HOMEZ: variants seen among roughly 807,000 people sequenced by gnomAD.
HOMEZ encodes homeobox and leucine zipper protein Homez.
Under a neutral mutation model 50.1 loss-of-function variants are expected in HOMEZ, and 20 were observed. The observed-to-expected ratio is 0.40, with a 90% CI of 0.28 to 0.58. The LOEUF (loss-of-function observed/expected upper bound fraction) is 0.58, where lower values mean the gene tolerates loss of function less well. Ranked by LOEUF, HOMEZ falls within the 20% of genes least tolerant of loss-of-function variation. The pLI, the probability that HOMEZ is intolerant of heterozygous loss-of-function variation, is 0.46. For synonymous variants in HOMEZ, 239 were observed against 254.7 expected (o/e 0.94, Z 0.59); for missense variants, 579 against 680.5 (o/e 0.85, Z 1.66).
Position 23,273,545 on chromosome 14 carries a change from G to A in HOMEZ, c.*2030C>T, listed in dbSNP as rs567207665. On this transcript the variant is annotated 3_prime_UTR_variant, in exon 2 of 2. Transcript: ENST00000357460. ...CAACACTATCACTGAGATCAAACATGTATTCTACTTTGGGTTTTAAAAGGC... is the reference window on the plus strand; with the variant it reads ...CAACACTATCACTGAGATCAAACATATATTCTACTTTGGGTTTTAAAAGGC... 2.0e-5 allele frequency: 3 copies of A among 152,306 alleles called. No individual in the cohort carries two copies. Among genetic ancestry groups the A allele is most frequent in the South Asian group, 4.1e-4 (2 of 4,824 alleles). The allele number at this position is 152,306 out of a possible 1,614,324, so 9.4% of individuals were successfully genotyped here.
In HOMEZ at chr14:23,272,715, A is replaced by C. The variant is rs1886198227; in HGVS notation, c.*2860T>G. On this transcript the variant is annotated 3_prime_UTR_variant, in exon 2 of 2. Transcript: ENST00000357460. The stretch of plus-strand genomic sequence containing the variant: ...AATGAAGAAAACTATGGGGAAGCAA[A>C]AGCAGTGGTGTCTGTCTCGATAAGC... 1.1e-5 allele frequency: 8 copies of C among 735,988 alleles called. No individual in the cohort carries two copies. The highest frequency in any genetic ancestry group is 1.9e-5 in the Non-Finnish European group (8 of 418,448). The allele number at this position is 735,988 out of a possible 1,614,324, so 45.6% of individuals were successfully genotyped here. A position where few individuals can be genotyped will look rare whatever the true frequency, so the allele number is the denominator to read the frequency against.
intron 1 of HOMEZ, among the ~76,000 whole-genome samples, chr14:23,280,801 G>A (rs1254501742): frequency 7.6e-5 from 5 of 65,666 alleles, no homozygotes; most frequent in South Asian, 4.7e-4. Context: ...TGGAGACGGA[G>A]TCTTGCTCTG....
chr14:23,281,851 C>A (rs1303102502), intron 1 of HOMEZ, among the ~76,000 whole-genome samples: 1 of 149,206 alleles, frequency 6.7e-6, no homozygotes, highest in South Asian at 2.1e-4. Context: ...AAAATATTAG[C>A]TGGGCATGGT....
At position 23,275,665 on chromosome 14, in the gene HOMEZ, C is replaced by T. The variant is rs1566448270; in HGVS notation, c.1563G>A (p.Glu521=). The stretch of plus-strand genomic sequence containing the variant: ...CCTCATCATCTTCTGGCAGTTCTTC[C>T]TCCTCCTCTTCCTCTTCTTCATCTA... ...VCLDEEEEEE[E]EELPEDDEEE... Residue 521 remains glutamate, a synonymous_variant, in exon 2 of 2, where the codon GAG becomes GAA. Coordinates refer to ENST00000357460, the MANE Select transcript of HOMEZ (RefSeq NM_020834.3). The T allele has an allele frequency of 6.3e-7, 1 of 1,575,506 alleles. No homozygotes were observed. The highest frequency in any genetic ancestry group is 8.6e-7 in the Non-Finnish European group (1 of 1,159,732).
intron 1 of HOMEZ, among the ~76,000 whole-genome samples, chr14:23,280,720 A>ATTTATTTTATTTATTTT (rs1886505451): frequency 1.5e-5 from 1 of 65,052 alleles, no homozygotes; most frequent in African/African-American, 6.1e-5. Flanking sequence ...TTTTTATTTT[A>ATTTATTTTATTTATTTT]TTTTATTTTA....
rs1886267577 is a variant in HOMEZ, at chr14:23,273,685, T to C, written c.*1890A>G. On this transcript the variant is annotated 3_prime_UTR_variant, in exon 2 of 2. Transcript: ENST00000357460. ...AATAAATTAGGTCTTGGGAATGATC[T>C]TGTATCTGAACTAGGATCCCCATAC... 1 of 152,260 alleles carries C rather than the reference T, an allele frequency of 6.6e-6. No individual in the cohort carries two copies. Among genetic ancestry groups the C allele is most frequent in the African/African-American group, 2.4e-5 (1 of 41,482 alleles). The allele number at this position is 152,260 out of a possible 1,614,324, so 9.4% of individuals were successfully genotyped here.
intron 1 of HOMEZ, among the ~76,000 whole-genome samples, chr14:23,280,594 G>A (rs994022937): frequency 6.6e-6 from 1 of 151,606 alleles, no homozygotes; most frequent in Admixed American, 6.6e-5. Context: ...ATATTCTGTT[G>A]ACAATTTTTA....
rs559636473 is a variant in HOMEZ at position 23,277,111 on chromosome 14, C to T, written c.117G>A (p.Ala39=). 141 of 1,613,898 alleles carry T rather than the reference C, an allele frequency of 8.7e-5. 1 individual carries two copies. In the South Asian group the frequency reaches 9.1e-4, roughly 10 times the overall value. Residue 39 remains alanine (A), a synonymous_variant, in exon 2 of 2, where the codon GCG becomes GCA. Transcript: ENST00000357460. Reference sequence around the variant, plus strand: ...AGATTGGAGGGAGGCAGATGAGCCCCGCTGGTGAACTACTGAGACCGCTGG... The same window carrying T: ...AGATTGGAGGGAGGCAGATGAGCCCTGCTGGTGAACTACTGAGACCGCTGG... ...KEASGLSSSP[A]GLICLPPISE...
chr14:23,272,773 C>T lies in HOMEZ; in HGVS notation c.*2802G>A, dbSNP rs757239623. 1 of 1,230,164 alleles carries T rather than the reference C, an allele frequency of 8.1e-7. No individual in the cohort carries two copies. Among genetic ancestry groups the T allele is most frequent in the Non-Finnish European group, 1.2e-6 (1 of 856,112 alleles). The allele number at this position is 1,230,164 out of a possible 1,614,324, so 76.2% of individuals were successfully genotyped here. ...AACAGGTCAGAGAGACTTGCTTGCC[C>T]TTTTTGCTGTTATAAACACCCACAT... On this transcript the variant is annotated 3_prime_UTR_variant, in exon 2 of 2. Coordinates refer to ENST00000357460, the MANE Select transcript of HOMEZ (RefSeq NM_020834.3).
rs1886656743 is a variant in HOMEZ, at chr14:23,286,026, C to G, written c.-74G>C. On this transcript the variant is annotated 5_prime_UTR_variant, in exon 1 of 2. Transcript: ENST00000357460. ...GGGGTTGCTGCCCGGTGCGGCCGCT[C>G]CGAGCCCACCCCAGCGATGGCCGAA... The G allele has an allele frequency of 8.1e-7, 1 of 1,232,952 alleles. No homozygotes were observed. Among genetic ancestry groups the G allele is most frequent in the East Asian group, 3.2e-5 (1 of 31,672 alleles). 76.4% of individuals were successfully genotyped at this position (1,232,952 alleles called of 1,614,324 possible).
Position 23,272,923 on chromosome 14 carries a change from C to T in HOMEZ, c.*2652G>A, listed in dbSNP as rs1227045505. On this transcript the variant is annotated 3_prime_UTR_variant, in exon 2 of 2. Coordinates refer to ENST00000357460, the MANE Select transcript of HOMEZ (RefSeq NM_020834.3). ...TTCAAGATCTGATCTATACATGCTG[C>T]TGAAGGATGGACTGTAGCTTCCAGT... 5.3e-6 allele frequency: 7 copies of T among 1,320,032 alleles called. No individual in the cohort carries two copies. The highest frequency in any genetic ancestry group is 7.3e-6 in the Non-Finnish European group (7 of 956,036). 81.8% of individuals were successfully genotyped at this position (1,320,032 alleles called of 1,614,324 possible).
At position 23,277,616 on chromosome 14, in the gene HOMEZ, C is replaced by T. The variant is rs145847881; in HGVS notation, c.41-429G>A. ...TAAAAATCAGCTGGGCATGGTGGTTCGTGCCTGTCGTCCCAACTACTTGGG... is the reference window on the plus strand; with the variant it reads ...TAAAAATCAGCTGGGCATGGTGGTTTGTGCCTGTCGTCCCAACTACTTGGG... On this transcript the variant is annotated intron_variant, in intron 1 of 1. Transcript: ENST00000357460. Among the ~76,000 whole-genome samples the T allele has an allele frequency of 2.6e-3, 391 of 152,090 alleles. 2 individuals carry two copies. Among genetic ancestry groups the T allele is most frequent in the African/African-American group, 9.0e-3 (373 of 41,516 alleles).
At position 23,276,074 on chromosome 14, in the gene HOMEZ, T is replaced by G; in HGVS notation, c.1154A>C (p.Asp385Ala). The G allele has an allele frequency of 6.2e-7, 1 of 1,613,996 alleles. No homozygotes were observed. ...FLQCQWARRE[D>A]YQKLEQITGL... ...AGTGATCTGTTCTAACTTTTGGTAATCCTCACGCCGTGCCCACTGGCACTG... is the reference window on the plus strand; with the variant it reads ...AGTGATCTGTTCTAACTTTTGGTAAGCCTCACGCCGTGCCCACTGGCACTG... The change falls in exon 2 of 2, where the codon GAT (aspartate) becomes GCT (alanine). Residue 385 changes from aspartate to alanine, a missense_variant. Asp to Ala is a moderately radical substitution (Grantham distance 126). Coordinates refer to ENST00000357460, the MANE Select transcript of HOMEZ (RefSeq NM_020834.3). This position sits in a 1 kb window ranked among gnomAD's most constrained non-coding sequence, Gnocchi z 4.1.
At chr14:23,279,337 GGAAGA>G (rs1555323379) in intron 1 of HOMEZ, among the ~76,000 whole-genome samples, 1 of 152,178 alleles carries the variant, frequency 6.6e-6, no homozygotes, top group Non-Finnish European at 1.5e-5. Flanking sequence ...ACAAAAGAGG[GGAAGA>G]AGTTCTTATT....
At position 23,280,747 on chromosome 14, in the gene HOMEZ, T is replaced by C. The variant is rs1396074257; in HGVS notation, c.41-3560A>G. 1.8e-4 allele frequency among the ~76,000 whole-genome samples: 18 copies of C among 101,512 alleles called. 1 individual carries two copies. The highest frequency in any genetic ancestry group is 3.1e-4 in the Non-Finnish European group (16 of 50,852). The allele number at this position is 101,512 out of a possible 152,430, so 66.6% of individuals were successfully genotyped here. On this transcript the variant is annotated intron_variant, in intron 1 of 1. Transcript: ENST00000357460. The stretch of plus-strand genomic sequence containing the variant: ...TTTATTTTATTTTATTTTATTATTT[T>C]ATTTTATTTTATTTTATTTTATTTT...
Position 23,285,923 on chromosome 14 carries a change from C to T in HOMEZ, c.30G>A (p.Gly10=), listed in dbSNP as rs1886653188. The T allele has an allele frequency of 7.2e-5, 90 of 1,247,240 alleles. No individual in the cohort carries two copies. The highest frequency in any genetic ancestry group is 9.1e-5 in the Non-Finnish European group (90 of 987,534). The allele number at this position is 1,247,240 out of a possible 1,614,324, so 77.3% of individuals were successfully genotyped here. A position where few individuals can be genotyped will look rare whatever the true frequency, so the allele number is the denominator to read the frequency against. The change falls in exon 1 of 2, where the codon GGG becomes GGA. Residue 10 remains glycine, a synonymous_variant. Coordinates refer to ENST00000357460, the MANE Select transcript of HOMEZ (RefSeq NM_020834.3). ...CTGGGGATCACTCACCGCAGTCCAG[C>T]CCGGGCGGCGGCTCCCAGCCTCGCA... MVRGWEPPP[G]LDCAISEGHK...
In HOMEZ at chr14:23,275,530, T is replaced by A. The variant is rs1886322670; in HGVS notation, c.*45A>T. 6.7e-7 allele frequency: 1 copy of A among 1,497,852 alleles called. No individual in the cohort carries two copies. The highest frequency in any genetic ancestry group is 2.3e-5 in the Admixed American group (1 of 42,902). The allele number at this position is 1,497,852 out of a possible 1,614,324, so 92.8% of individuals were successfully genotyped here. The stretch of plus-strand genomic sequence containing the variant: ...TTCTTTGTTTAAACAGTTACTAAGT[T>A]GGTTCATCTTTCAGTAACAGACCTC... On this transcript the variant is annotated 3_prime_UTR_variant, in exon 2 of 2. Coordinates refer to ENST00000357460, the MANE Select transcript of HOMEZ (RefSeq NM_020834.3).
At chr14:23,284,851 G>C (rs939304312) in intron 1 of HOMEZ, 4 of 152,208 alleles carry the variant, frequency 2.6e-5, no homozygotes, top group Non-Finnish European at 4.4e-5. Flanking sequence ...GGAAACCAAA[G>C]ATGATGAAAG....
Position 23,275,594 on chromosome 14 carries a change from T to C in HOMEZ, c.1634A>G (p.Asp545Gly), listed in dbSNP as rs767092791. Residue 545 changes from aspartate to glycine, a missense_variant, in exon 2 of 2, where the codon GAT becomes GGT. By Grantham distance (94) the Asp-to-Gly change is moderately conservative. Transcript: ENST00000357460. ...EEEDDDDDDD[D>G]VIIQD ...CCCCACTCAGTCTTGTATGATCACATCATCATCATCATCATCATCATCTTC... is the reference window on the plus strand; with the variant it reads ...CCCCACTCAGTCTTGTATGATCACACCATCATCATCATCATCATCATCTTC... 1 of 513,584 alleles carries C rather than the reference T, an allele frequency of 1.9e-6. No individual in the cohort carries two copies. Among genetic ancestry groups the C allele is most frequent in the Non-Finnish European group, 2.6e-6 (1 of 387,140 alleles). 31.8% of individuals were successfully genotyped at this position (513,584 alleles called of 1,614,324 possible). A position where few individuals can be genotyped will look rare whatever the true frequency, so the allele number is the denominator to read the frequency against.
Sources: gnomAD v4.1 joint callset for allele counts (sites outside exome capture counted in the v4.1 genomes callset) on GRCh38, gnomAD v4.1.1 for gene constraint, Gnocchi (gnomAD v3.1) non-coding constraint, MANE v1.5 for transcripts, NCBI Gene and HGNC (gene_info 2026-07-23, HGNC 2026-07-21) for gene names.